The following TMEM161A variants were observed in gnomAD, a reference collection of about 807,000 sequenced individuals.
The protein encoded by TMEM161A is transmembrane protein 161A, also known as adaptive response to oxidative stress protein 29.
Under a neutral mutation model 57.1 loss-of-function variants are expected in TMEM161A, and 46 were observed. That is an observed-to-expected ratio of 0.81 (90% CI 0.64 to 1.03). The LOEUF is 1.03. Among genes scored for constraint, TMEM161A ranks in the 50% least tolerant of loss-of-function variants. The pLI, the probability that TMEM161A is intolerant of heterozygous loss-of-function variation, is 0.00. For missense variants in TMEM161A, 601 were observed against 621.5 expected (o/e 0.97, Z 0.35); for synonymous variants, 288 against 279.0 (o/e 1.03, Z -0.32).
Position 19,121,087 on chromosome 19 carries a change from G to A in TMEM161A, c.994C>T (p.Pro332Ser), listed in dbSNP as rs1380680264. Residue 332 changes from proline to serine, a missense_variant, in exon 10 of 12, where the codon CCC (proline) becomes TCC (serine). Physicochemically the swap from Pro to Ser is moderately conservative, Grantham distance 74 (BLOSUM62 -1). Transcript: ENST00000162044. The surrounding 1 kb of genome is among the most constrained non-coding windows in gnomAD (Gnocchi z 5.8). ...LCLLRLAVTR[P>S]HLQAYLCLAK... ...AGGCACAGGTAGGCCTGCAGGTGGG[G>A]CCGGGTCACCGCCAGCCGCAGCAGG... 6.2e-7 allele frequency: 1 copy of A among 1,611,466 alleles called. No homozygotes were observed. Among genetic ancestry groups the A allele is most frequent in the Non-Finnish European group, 8.5e-7 (1 of 1,179,446 alleles).
At chr19:19,130,068 G>C (rs2059950311) in intron 6 of TMEM161A, 88 bp downstream of exon 6, 2 of 1,501,014 alleles carry the variant, frequency 1.3e-6, no homozygotes, top group African/African-American at 1.4e-5. Context: ...GCCTACTCGT[G>C]CTGGACACGG....
intron 6 of TMEM161A, among the ~76,000 whole-genome samples, chr19:19,125,832 C>A (rs2059928232): frequency 1.3e-5 from 2 of 149,962 alleles, no homozygotes; most frequent in African/African-American, 4.9e-5. Flanking sequence ...TCTATATTTT[C>A]TTCTAAAATA....
chr19:19,119,229 C>T lies in TMEM161A; in HGVS notation c.*701G>A, dbSNP rs2059895652. On this transcript the variant is annotated 3_prime_UTR_variant, in exon 12 of 12. Coordinates refer to ENST00000162044, the MANE Select transcript of TMEM161A (RefSeq NM_017814.3). Reference sequence around the variant, plus strand: ...GTGATGCGATCTCGGCTCACTGCAGCCTCCACCTCTCAGGTTCAAGCGACT... The same window carrying T: ...GTGATGCGATCTCGGCTCACTGCAGTCTCCACCTCTCAGGTTCAAGCGACT... The T allele has an allele frequency of 6.6e-6, 1 of 150,718 alleles. No homozygotes were observed. 9.3% of individuals were successfully genotyped at this position (150,718 alleles called of 1,614,324 possible). A position where few individuals can be genotyped will look rare whatever the true frequency, so the allele number is the denominator to read the frequency against.
chr19:19,132,986 G>T lies in TMEM161A; in HGVS notation c.188+144C>A. ...CATCTCCTTGGACTAGGGTCTCCCG[G>T]TTCACCTGTGCCCAGATCAGCGCCT... On this transcript the variant is annotated intron_variant, in intron 3 of 11. Coordinates refer to ENST00000162044, the MANE Select transcript of TMEM161A (RefSeq NM_017814.3). The surrounding 1 kb of genome is among the most constrained non-coding windows in gnomAD (Gnocchi z 4.3). 1 of 778,566 alleles carries T rather than the reference G, an allele frequency of 1.3e-6. No homozygotes were observed. The highest frequency in any genetic ancestry group is 2.0e-6 in the Non-Finnish European group (1 of 490,360). 48.2% of individuals were successfully genotyped at this position (778,566 alleles called of 1,614,324 possible). A position where few individuals can be genotyped will look rare whatever the true frequency, so the allele number is the denominator to read the frequency against.
intron 6 of TMEM161A, among the ~76,000 whole-genome samples, chr19:19,122,231 T>C (rs767248090): frequency 2.6e-5 from 4 of 151,868 alleles, no homozygotes; most frequent in African/African-American, 7.3e-5. Context: ...GGAGCGGAGG[T>C]TGCAGTGAGC....
chr19:19,120,637 CCA>C (rs1364853299), intron 11 of TMEM161A, 126 bp downstream of exon 11: 2 of 854,028 alleles, frequency 2.3e-6, no homozygotes, highest in Non-Finnish European at 1.9e-6. Context: ...CCCTGCCTTA[CCA>C]CAGTCTCCGC....
In TMEM161A at chr19:19,130,189, G is replaced by A. The variant is rs769273665; in HGVS notation, c.562C>T (p.Arg188Trp). 4.0e-5 allele frequency: 65 copies of A among 1,613,608 alleles called. No homozygotes were observed. The highest frequency in any genetic ancestry group is 8.0e-5 in the African/African-American group (6 of 74,922). ...LLLAMLVQVVREETLELGLEP... is the reference protein window; with the variant it reads ...LLLAMLVQVVWEETLELGLEP... Reference sequence around the variant, plus strand: ...AGGCCCAGCTCGAGGGTCTCCTCCCGCACCACTTGCACCAGCATGGCCAGC... The same window carrying A: ...AGGCCCAGCTCGAGGGTCTCCTCCCACACCACTTGCACCAGCATGGCCAGC... The change falls in exon 6 of 12, where the codon CGG becomes TGG. Residue 188 changes from arginine to tryptophan, a missense_variant. Arg to Trp is a moderately radical substitution (Grantham distance 101). Transcript: ENST00000162044.
chr19:19,134,923 G>A, intron 1 of TMEM161A, 36 bp from the exon 2 acceptor site: 1 of 1,461,276 alleles, frequency 6.8e-7, no homozygotes, highest in Non-Finnish European at 9.4e-7. Context: ...GCACCTGCCA[G>A]AGGGTCACAA....
chr19:19,129,083 T>A (rs2059944918), intron 6 of TMEM161A, among the ~76,000 whole-genome samples: 1 of 152,162 alleles, frequency 6.6e-6, no homozygotes, highest in Non-Finnish European at 1.5e-5. Context: ...ACAGAGGGCA[T>A]CATTCCATGT....
chr19:19,132,679 G>A lies in TMEM161A; in HGVS notation c.264C>T (p.Pro88=). 6.3e-7 allele frequency: 1 copy of A among 1,578,410 alleles called. No homozygotes were observed. Among genetic ancestry groups the A allele is most frequent in the Non-Finnish European group, 8.6e-7 (1 of 1,161,430 alleles). ...TACCCAGGGCATCCACGGTCGTGAG[G>A]GGGCAGGTCTCCAGCTGGAACGGGG... The part of the protein sequence containing the change: ...RDAPFQLETC[P]LTTVDALVLR... Residue 88 remains proline (P), a synonymous_variant, in exon 4 of 12, where the codon CCC becomes CCT. Transcript: ENST00000162044. This position sits in a 1 kb window ranked among gnomAD's most constrained non-coding sequence, Gnocchi z 4.3.
chr19:19,136,315 G>T (rs79598570), intron 1 of TMEM161A, among the ~76,000 whole-genome samples: 2 of 152,094 alleles, frequency 1.3e-5, no homozygotes, highest in South Asian at 4.2e-4. Context: ...AAATTTAGTC[G>T]GAAAAACCCT....
intron 6 of TMEM161A, among the ~76,000 whole-genome samples, chr19:19,122,548 G>C (rs1184212489): frequency 6.6e-6 from 1 of 152,070 alleles, no homozygotes; most frequent in African/African-American, 2.4e-5. Context: ...GGAGGCCAAG[G>C]CGGGTGGATC....
rs144358277 is a variant in TMEM161A, at chr19:19,130,260, C to G, written c.491G>C (p.Gly164Ala). 80 of 1,613,870 alleles carry G rather than the reference C, an allele frequency of 5.0e-5. No individual in the cohort carries two copies. The highest frequency in any genetic ancestry group is 6.4e-5 in the Non-Finnish European group (75 of 1,180,030). The change falls in exon 6 of 12, where the codon GGG becomes GCG. Residue 164 changes from glycine to alanine, a missense_variant. Transcript: ENST00000162044. ...VTRLYFSAEE[G>A]GERSVCLTFA... is the part of the protein sequence containing the mutation. ...GGTGAGGCAGACAGAGCGCTCACCC[C>G]CCTCCTCGGCGCTGAAGTACAGCCG... is the stretch of plus-strand genomic sequence containing the variant.
chr19:19,127,524 A>T (rs539813518), intron 6 of TMEM161A, among the ~76,000 whole-genome samples: 5 of 151,818 alleles, frequency 3.3e-5, no homozygotes, highest in Non-Finnish European at 5.9e-5. Context: ...GAGTTTCACC[A>T]TGTTAGCCAG....
intron 11 of TMEM161A, among the ~76,000 whole-genome samples, chr19:19,120,562 C>T (rs985086542): frequency 1.3e-5 from 2 of 151,882 alleles, no homozygotes; most frequent in African/African-American, 4.8e-5. Flanking sequence ...TCAGATTGCA[C>T]CCATCCCCAG....
intron 6 of TMEM161A, among the ~76,000 whole-genome samples, chr19:19,128,332 C>T (rs555698031): frequency 1.3e-4 from 19 of 150,402 alleles, no homozygotes; most frequent in Middle Eastern, 3.4e-3. Context: ...ACCAGGTTCA[C>T]GCCATTCTCC....
chr19:19,127,600 G>A (rs1237014824), intron 6 of TMEM161A, among the ~76,000 whole-genome samples: 3 of 151,908 alleles, frequency 2.0e-5, no homozygotes, highest in Non-Finnish European at 4.4e-5. Flanking sequence ...GGGATTACAG[G>A]CGTGAGCCAC....
chr19:19,127,823 C>A (rs2059938516), intron 6 of TMEM161A, among the ~76,000 whole-genome samples: 1 of 151,820 alleles, frequency 6.6e-6, no homozygotes, highest in Non-Finnish European at 1.5e-5. Context: ...GCCTGTGGTC[C>A]CAGCTACTTG....
rs756530816 is a variant in TMEM161A at position 19,132,664 on chromosome 19, A to T, written c.279T>A (p.Asp93Glu). 6 of 1,570,102 alleles carry T rather than the reference A, an allele frequency of 3.8e-6. No homozygotes were observed. The highest frequency in any genetic ancestry group is 5.2e-6 in the Non-Finnish European group (6 of 1,157,454). Residue 93 changes from aspartate (D) to glutamate (E), a missense_variant, in exon 4 of 12, where the codon GAT (aspartate) becomes GAA (glutamate). Asp to Glu is a conservative substitution (Grantham distance 45). Coordinates refer to ENST00000162044, the MANE Select transcript of TMEM161A (RefSeq NM_017814.3). The surrounding 1 kb of genome is among the most constrained non-coding windows in gnomAD (Gnocchi z 4.3). ...ATGGGACTGGGCTATTACCCAGGGC[A>T]TCCACGGTCGTGAGGGGGCAGGTCT... is the stretch of plus-strand genomic sequence containing the variant. ...QLETCPLTTVDALVLRFFLEY... is the reference protein window; with the variant it reads ...QLETCPLTTVEALVLRFFLEY...
Sources: gnomAD v4.1 joint callset for allele counts (sites outside exome capture counted in the v4.1 genomes callset) on GRCh38, gnomAD v4.1.1 for gene constraint, Gnocchi (gnomAD v3.1) non-coding constraint, MANE v1.5 for transcripts, NCBI Gene and HGNC (gene_info 2026-07-23, HGNC 2026-07-21) for gene names.